Variants in CAMK2D observed in about 807,000 individuals in gnomAD.
The protein encoded by CAMK2D is calcium/calmodulin dependent protein kinase II delta.
CAMK2D carries 37 observed loss-of-function variants against 84.0 expected under a neutral mutation model. The ratio of observed to expected loss-of-function variants is 0.44; its 90% CI spans 0.34 to 0.58. The LOEUF (loss-of-function observed/expected upper bound fraction) is 0.58. Ranked by LOEUF, CAMK2D falls within the 20% of genes least tolerant of loss-of-function variation. The pLI, the probability that CAMK2D is intolerant of heterozygous loss-of-function variation, is 0.02. For missense variants in CAMK2D, 448 were observed against 652.5 expected (o/e 0.69, Z 3.41); for synonymous variants, 202 against 212.5 (o/e 0.95, Z 0.43).
intron 2 of CAMK2D, among the ~76,000 whole-genome samples, chr4:113,693,403 C>T (rs372676850): frequency 3.9e-5 from 6 of 151,920 alleles, no homozygotes; most frequent in South Asian, 2.1e-4. Context: ...TAAAATATTG[C>T]GTTTTATTGG....
intron 4 of CAMK2D, among the ~76,000 whole-genome samples, chr4:113,574,664 G>A (rs1474693375): frequency 6.6e-5 from 10 of 152,288 alleles, no homozygotes; most frequent in Admixed American, 4.6e-4. Flanking sequence ...AGGAAGCTGT[G>A]AAGCAAGATA....
chr4:113,483,271 C>CT (rs548750996), intron 16 of CAMK2D, among the ~76,000 whole-genome samples: 13 of 152,142 alleles, frequency 8.5e-5, no homozygotes, highest in Non-Finnish European at 1.5e-4. Context: ...GGTGCTCAAT[C>CT]TTTTTTTCTT....
intron 2 of CAMK2D, among the ~76,000 whole-genome samples, chr4:113,724,141 T>C (rs1424330477): frequency 6.6e-6 from 1 of 152,126 alleles, no homozygotes; most frequent in Non-Finnish European, 1.5e-5. Context: ...AAAGAGACTT[T>C]CTTCATAAAA....
intron 1 of CAMK2D, among the ~76,000 whole-genome samples, chr4:113,760,150 A>T (rs1257260154): frequency 6.6e-6 from 1 of 152,216 alleles, no homozygotes; most frequent in Non-Finnish European, 1.5e-5. Context: ...TACAAAAATC[A>T]GCATTCACGG....
chr4:113,609,416 G>T (rs980643965), intron 3 of CAMK2D, among the ~76,000 whole-genome samples: 2 of 151,800 alleles, frequency 1.3e-5, no homozygotes, highest in Admixed American at 6.6e-5. Flanking sequence ...GTAACTATGT[G>T]ATCTTAAAAA....
intron 3 of CAMK2D, among the ~76,000 whole-genome samples, chr4:113,661,153 A>AT (rs1354102312): frequency 2.6e-5 from 4 of 152,182 alleles, no homozygotes; most frequent in Non-Finnish European, 5.9e-5. Context: ...ACCTTATATT[A>AT]TTTTTTGAAG....
intron 8 of CAMK2D, among the ~76,000 whole-genome samples, chr4:113,518,362 T>G (rs545603468): frequency 7.2e-5 from 11 of 152,198 alleles, no homozygotes; most frequent in Non-Finnish European, 1.6e-4. Flanking sequence ...CTAAAATTTT[T>G]CACAAACATA....
At position 113,467,168 on chromosome 4, in the gene CAMK2D, T is replaced by C. The variant is rs562894238; in HGVS notation, c.1136-1564A>G. On this transcript the variant is annotated intron_variant, in intron 16 of 20. Transcript: ENST00000511664. ...GATATTCCCTTAAAATCACTGAACA[T>C]AGACTGGGAATCACAAAATGTTACT... is the stretch of plus-strand genomic sequence containing the variant. Among the ~76,000 whole-genome samples the C allele has an allele frequency of 1.1e-4, 17 of 152,338 alleles. No individual in the cohort carries two copies. The South Asian group carries it at 3.1e-3, about 28-fold the overall frequency.
chr4:113,757,103 T>C (rs753449524), intron 2 of CAMK2D, among the ~76,000 whole-genome samples: 1 of 152,124 alleles, frequency 6.6e-6, no homozygotes, highest in South Asian at 2.1e-4. Flanking sequence ...AAGAACCTGA[T>C]ATCCAGAAAA....
At chr4:113,692,563 T>C (rs535584851) in intron 2 of CAMK2D, among the ~76,000 whole-genome samples, 2 of 152,096 alleles carry the variant, frequency 1.3e-5, no homozygotes, top group Admixed American at 1.3e-4. Flanking sequence ...ACTATTCATA[T>C]AGTCATACAT....
chr4:113,618,326 C>T (rs545827469), intron 3 of CAMK2D, among the ~76,000 whole-genome samples: 24 of 152,048 alleles, frequency 1.6e-4, no homozygotes, highest in Non-Finnish European at 2.2e-4. Context: ...AAAAATTAAC[C>T]GAGCAGATGA....
At chr4:113,472,006 C>A (rs2097552019) in intron 16 of CAMK2D, among the ~76,000 whole-genome samples, 1 of 152,166 alleles carries the variant, frequency 6.6e-6, no homozygotes, top group South Asian at 2.1e-4. Flanking sequence ...TGCCATTTTT[C>A]CTTCTGCCAG....
At chr4:113,517,890 G>T (rs1322537271) in intron 8 of CAMK2D, among the ~76,000 whole-genome samples, 2 of 152,108 alleles carry the variant, frequency 1.3e-5, no homozygotes, top group Admixed American at 6.5e-5. Context: ...ATGCATCAAA[G>T]AATTCTAAAG....
intron 2 of CAMK2D, among the ~76,000 whole-genome samples, chr4:113,740,796 A>T (rs79150538): frequency 2.4e-3 from 358 of 152,200 alleles, no homozygotes; most frequent in African/African-American, 8.3e-3. Context: ...TGTCACCTTC[A>T]CATCTCCCCT....
chr4:113,678,457 G>A (rs1475886821), intron 2 of CAMK2D, among the ~76,000 whole-genome samples: 1 of 126,712 alleles, frequency 7.9e-6, no homozygotes. Flanking sequence ...AGTTGGTTCT[G>A]TGATTTTTTT....
At chr4:113,564,565 G>A (rs1241362757) in intron 4 of CAMK2D, among the ~76,000 whole-genome samples, 2 of 151,332 alleles carry the variant, frequency 1.3e-5, no homozygotes, top group African/African-American at 2.4e-5. Context: ...CTCAAGATAA[G>A]GAAAGGCAAG....
chr4:113,473,295 A>G (rs1239253908), intron 16 of CAMK2D, among the ~76,000 whole-genome samples: 1 of 152,226 alleles, frequency 6.6e-6, no homozygotes, highest in African/African-American at 2.4e-5. Context: ...TATACAAATT[A>G]TGCTCTTGGT....
At chr4:113,724,919 C>A (rs2099541412) in intron 2 of CAMK2D, among the ~76,000 whole-genome samples, 1 of 151,960 alleles carries the variant, frequency 6.6e-6, no homozygotes, top group Non-Finnish European at 1.5e-5. Flanking sequence ...TTAACCAATA[C>A]AGTGGTCAAA....
chr4:113,755,115 G>C (rs760896174), intron 2 of CAMK2D: 11 of 979,462 alleles, frequency 1.1e-5, no homozygotes, highest in Non-Finnish European at 1.3e-5. Context: ...TAAAAGAAAA[G>C]TAGCAAGAAT....
Sources: allele counts gnomAD v4.1 joint callset (sites outside exome capture counted in the v4.1 genomes callset), GRCh38; gene constraint gnomAD v4.1.1; transcripts MANE v1.5; gene names NCBI Gene and HGNC (gene_info 2026-07-23, HGNC 2026-07-21).